Variants in SMC6 observed in about 807,000 individuals in gnomAD.
The protein encoded by SMC6 is structural maintenance of chromosomes 6.
SMC6 carries 79 observed loss-of-function variants against 142.2 expected under a neutral mutation model. The observed-to-expected ratio is 0.56, with a 90% CI of 0.46 to 0.67. The LOEUF is 0.67. Among genes scored for constraint, SMC6 ranks in the 30% least tolerant of loss-of-function variants. SMC6 has a pLI of 0.00. For missense variants in SMC6, 1,072 were observed against 1,284.0 expected, an observed-to-expected ratio of 0.83 and a Z score of 2.52; for synonymous variants, 411 against 412.4, an observed-to-expected ratio of 1.00 and a Z score of 0.04.
At chr2:17,711,308 G>A (rs1558353563) in intron 16 of SMC6, among the ~76,000 whole-genome samples, 1 of 152,108 alleles carries the variant, frequency 6.6e-6, no homozygotes, top group Non-Finnish European at 1.5e-5. Flanking sequence ...GTCTAGCAGA[G>A]CCAAAAGTAG....
intron 16 of SMC6, 82 bp downstream of exon 16, chr2:17,714,779 A>T: frequency 7.3e-7 from 1 of 1,367,986 alleles, no homozygotes; most frequent in Non-Finnish European, 1.0e-6. Flanking sequence ...AGATATGATT[A>T]ACATTAAAAG....
intron 24 of SMC6, chr2:17,680,113 A>G (rs1012800631): frequency 6.6e-6 from 1 of 152,192 alleles, no homozygotes; most frequent in South Asian, 2.1e-4. Flanking sequence ...GATGTCTAAA[A>G]GAGACTGTTG....
At chr2:17,686,892 T>C (rs1476641080) in intron 23 of SMC6, among the ~76,000 whole-genome samples, 1 of 152,238 alleles carries the variant, frequency 6.6e-6, no homozygotes, top group African/African-American at 2.4e-5. Context: ...ATACAAACTT[T>C]GTTCCGTGAA....
At chr2:17,707,420 A>G in intron 17 of SMC6, 41 bp from the exon 18 acceptor site, 1 of 1,342,322 alleles carries the variant, frequency 7.4e-7, no homozygotes, top group Non-Finnish European at 9.7e-7. Flanking sequence ...AGACGATGTG[A>G]AAATTTTTCT....
chr2:17,708,841 T>A, intron 16 of SMC6, 88 bp from the exon 17 acceptor site: 1 of 319,808 alleles, frequency 3.1e-6, no homozygotes, highest in Non-Finnish European at 5.4e-6. Context: ...TATATAAGAG[T>A]ATATATATTT....
At chr2:17,711,648 G>A (rs1668830851) in intron 16 of SMC6, among the ~76,000 whole-genome samples, 2 of 151,966 alleles carry the variant, frequency 1.3e-5, no homozygotes, top group South Asian at 4.2e-4. Flanking sequence ...TTTTGAGACA[G>A]GACCTCCCTC....
intron 2 of SMC6, among the ~76,000 whole-genome samples, chr2:17,749,992 G>A (rs1670946893): frequency 6.6e-6 from 1 of 152,124 alleles, no homozygotes; most frequent in South Asian, 2.1e-4. Flanking sequence ...TTATTCTATG[G>A]TAAACAACTT....
chr2:17,703,671 AATG>A (rs1279089345), intron 18 of SMC6, among the ~76,000 whole-genome samples: 2 of 152,130 alleles, frequency 1.3e-5, no homozygotes, highest in Non-Finnish European at 1.5e-5. Flanking sequence ...TAAAGACCTT[AATG>A]ATGATCTACT....
At chr2:17,669,154 T>A (rs1572239749) in intron 26 of SMC6, among the ~76,000 whole-genome samples, 1 of 152,094 alleles carries the variant, frequency 6.6e-6, no homozygotes, top group Non-Finnish European at 1.5e-5. Context: ...CAAAGGTAAA[T>A]CACAGATGTC....
chr2:17,729,861 A>T (rs1372485262), intron 7 of SMC6, among the ~76,000 whole-genome samples: 1 of 152,226 alleles, frequency 6.6e-6, no homozygotes, highest in African/African-American at 2.4e-5. Flanking sequence ...AAGTTAGTCA[A>T]GAACCACATG....
At chr2:17,675,126 T>TTTA (rs2103486693) in intron 25 of SMC6, among the ~76,000 whole-genome samples, 1 of 151,318 alleles carries the variant, frequency 6.6e-6, no homozygotes, top group African/African-American at 2.4e-5. Context: ...TTCCATTCCT[T>TTTA]TTATTTGGTC....
chr2:17,685,657 T>C (rs945986950), intron 23 of SMC6, among the ~76,000 whole-genome samples: 1 of 151,630 alleles, frequency 6.6e-6, no homozygotes, highest in Non-Finnish European at 1.5e-5. Context: ...TAAAAAATCA[T>C]AGGTAATTAG....
In SMC6 at chr2:17,695,112, T is replaced by C. The variant is rs554353076; in HGVS notation, c.2678+40A>G. 13 of 1,604,384 alleles carry C rather than the reference T, an allele frequency of 8.1e-6. No homozygotes were observed. In the East Asian group the frequency reaches 8.9e-5, roughly 11 times the overall value. Reference sequence around the variant, plus strand: ...TCATTTTTTGTCTTGATGATATGCATGAATAATGTGGTAAAGCAGAAAAGC... The same window carrying C: ...TCATTTTTTGTCTTGATGATATGCACGAATAATGTGGTAAAGCAGAAAAGC... On this transcript the variant is annotated intron_variant, in intron 23 of 27. Transcript: ENST00000448223.
chr2:17,672,792 G>A lies in SMC6; in HGVS notation c.2911-2217C>T, dbSNP rs182503877. Among the ~76,000 whole-genome samples, 476 of 152,246 alleles carry A rather than the reference G, an allele frequency of 3.1e-3. 2 individuals are homozygous for A. Among genetic ancestry groups the A allele is most frequent in the Non-Finnish European group, 5.2e-3 (356 of 68,022 alleles). Reference sequence around the variant, plus strand: ...ACAGCAGTTTGTTATTTTCATTACGGAACAGTATGTCGCTGTTTGAATATA... The same window carrying A: ...ACAGCAGTTTGTTATTTTCATTACGAAACAGTATGTCGCTGTTTGAATATA... On this transcript the variant is annotated intron_variant, in intron 25 of 27. Coordinates refer to ENST00000448223, the MANE Select transcript of SMC6 (RefSeq NM_001142286.2).
intron 2 of SMC6, among the ~76,000 whole-genome samples, chr2:17,750,195 G>C (rs1461730015): frequency 6.6e-6 from 1 of 152,110 alleles, no homozygotes; most frequent in African/African-American, 2.4e-5. Context: ...CAATATAGAA[G>C]ATAGATGAAA....
chr2:17,731,219 A>G, intron 6 of SMC6, 80 bp from the exon 7 acceptor site: 1 of 931,608 alleles, frequency 1.1e-6, no homozygotes, highest in Non-Finnish European at 1.7e-6. Flanking sequence ...CTTACAAAAT[A>G]TAAATATTAG....
chr2:17,676,364 T>TA (rs1034673190), intron 25 of SMC6, among the ~76,000 whole-genome samples: 1 of 152,062 alleles, frequency 6.6e-6, no homozygotes, highest in Non-Finnish European at 1.5e-5. Flanking sequence ...TTTCCTACTT[T>TA]AAAAAAAATT....
chr2:17,689,717 G>C (rs1244239977), intron 23 of SMC6, among the ~76,000 whole-genome samples: 1 of 152,162 alleles, frequency 6.6e-6, no homozygotes, highest in Non-Finnish European at 1.5e-5. Flanking sequence ...AAATGTCATA[G>C]TATTTGCATA....
rs763883323 is a variant in SMC6, at chr2:17,701,909, T to C, written c.2143A>G (p.Met715Val). The C allele has an allele frequency of 3.3e-6, 5 of 1,508,658 alleles. No individual in the cohort carries two copies. Among genetic ancestry groups the C allele is most frequent in the East Asian group, 2.3e-5 (1 of 43,482 alleles). 93.5% of individuals were successfully genotyped at this position (1,508,658 alleles called of 1,614,324 possible). A position where few individuals can be genotyped will look rare whatever the true frequency, so the allele number is the denominator to read the frequency against. Reference protein sequence around the residue: ...RCQLHYKELKMKIRKNISEIR... With the variant: ...RCQLHYKELKVKIRKNISEIR... ...TCAGAAATATTTTTTCTTATTTTCA[T>C]CTAAAAGAAAAGTATTTGGATTTTA... The change falls in exon 20 of 28, where the codon ATG (methionine) becomes GTG (valine). Residue 715 changes from methionine (M) to valine (V), a missense_variant and splice_region_variant. Met to Val is a conservative substitution (Grantham distance 21). This residue lies in a region of SMC6 where 994 missense variants were observed against 1,153.2 expected (regional missense o/e 0.86). Coordinates refer to ENST00000448223, the MANE Select transcript of SMC6 (RefSeq NM_001142286.2).
Sources: allele counts gnomAD v4.1 joint callset (sites outside exome capture counted in the v4.1 genomes callset), GRCh38; gene constraint gnomAD v4.1.1; regional missense constraint gnomAD v4.1.1; transcripts MANE v1.5; gene names NCBI Gene and HGNC (gene_info 2026-07-23, HGNC 2026-07-21).